The following NCAPD2 variants were observed in gnomAD, a reference collection of about 807,000 sequenced individuals.
NCAPD2 encodes the protein non-SMC condensin I complex subunit D2.
Under a neutral mutation model 164.5 loss-of-function variants are expected in NCAPD2, and 100 were observed. The observed-to-expected ratio is 0.61, with a 90% CI of 0.52 to 0.72. The LOEUF (loss-of-function observed/expected upper bound fraction) is 0.72, where lower values mean the gene tolerates loss of function less well. NCAPD2 is among the 30% of genes least tolerant of loss of function. The pLI is 0.00. For missense variants in NCAPD2, 1,560 were observed against 1,749.2 expected (o/e 0.89, Z 1.93); for synonymous variants, 585 against 642.6 (o/e 0.91, Z 1.36).
At position 6,531,357 on chromosome 12, in the gene NCAPD2, C is replaced by T. The variant is rs747329947; in HGVS notation, c.4151C>T (p.Thr1384Ile). The change falls in exon 32 of 32, where the codon ACA (threonine) becomes ATA (isoleucine). Residue 1384 changes from threonine (T) to isoleucine (I), a missense_variant. By Grantham distance (89) the Thr-to-Ile change is moderately conservative. Coordinates refer to ENST00000315579, the MANE Select transcript of NCAPD2 (RefSeq NM_014865.4). This position sits in a 1 kb window ranked among gnomAD's most constrained non-coding sequence, Gnocchi z 4.1. Reference sequence around the variant, plus strand: ...TCAGCAGAGATGACAGAAGACGAGACACCCAAGAAAACAACTCCCATTCTC... The same window carrying T: ...TCAGCAGAGATGACAGAAGACGAGATACCCAAGAAAACAACTCCCATTCTC... Reference protein sequence around the residue: ...DLSAEMTEDETPKKTTPILRA... With the variant: ...DLSAEMTEDEIPKKTTPILRA... The T allele has an allele frequency of 4.0e-5, 65 of 1,613,736 alleles. No homozygotes were observed. Among genetic ancestry groups the T allele is most frequent in the Non-Finnish European group, 5.3e-5 (63 of 1,180,014 alleles).
At chr12:6,497,100 G>A (rs556598214) in intron 2 of NCAPD2, among the ~76,000 whole-genome samples, 17 of 152,266 alleles carry the variant, frequency 1.1e-4, no homozygotes, top group African/African-American at 4.1e-4. Flanking sequence ...CCCTAAACTT[G>A]AGCATATCAA....
chr12:6,528,646 C>G lies in NCAPD2; in HGVS notation c.3300-33C>G. 1 of 1,597,264 alleles carries G rather than the reference C, an allele frequency of 6.3e-7. No individual in the cohort carries two copies. On this transcript the variant is annotated intron_variant, in intron 25 of 31. Transcript: ENST00000315579. This position sits in a 1 kb window ranked among gnomAD's most constrained non-coding sequence, Gnocchi z 5.1. Reference sequence around the variant, plus strand: ...CAGTGTTAGGGTGTAGCCCGGAGGTCTCGGTCCCCATGACCCGCAATTCCA... The same window carrying G: ...CAGTGTTAGGGTGTAGCCCGGAGGTGTCGGTCCCCATGACCCGCAATTCCA...
Position 6,521,947 on chromosome 12 carries a change from C to T in NCAPD2, c.1864C>T (p.Gln622Ter). The T allele has an allele frequency of 6.2e-7, 1 of 1,614,154 alleles. No individual in the cohort carries two copies. Among genetic ancestry groups the T allele is most frequent in the Non-Finnish European group, 8.5e-7 (1 of 1,180,040 alleles). Residue 622 changes from glutamine to a stop codon, truncating the protein, a stop_gained, in exon 15 of 32, where the codon CAG becomes TAG. Coordinates refer to ENST00000315579, the MANE Select transcript of NCAPD2 (RefSeq NM_014865.4). LOFTEE classifies it high-confidence loss of function. ...ACTAGTGAAGCAGGAGATGCTGGTA[C>T]AGTATCTGCAGGATGCCTACAGCTT... is the stretch of plus-strand genomic sequence containing the variant. ...DELVKQEMLV[Q>*]YLQDAYSFSR...
In NCAPD2 at chr12:6,525,507, A is replaced by G. The variant is rs373115753; in HGVS notation, c.2215-76A>G. 33 of 1,526,600 alleles carry G rather than the reference A, an allele frequency of 2.2e-5. 1 individual carries two copies. In the East Asian group the frequency reaches 6.4e-4, roughly 29 times the overall value. 94.6% of individuals were successfully genotyped at this position (1,526,600 alleles called of 1,614,324 possible). The stretch of plus-strand genomic sequence containing the variant: ...CTTTTGTCTACTTCAGGTTCGCAAT[A>G]TCATCTTCAGAAAAGCAGACCAAAG... On this transcript the variant is annotated intron_variant, in intron 17 of 31. Coordinates refer to ENST00000315579, the MANE Select transcript of NCAPD2 (RefSeq NM_014865.4).
chr12:6,524,382 T>G (rs1346979362), intron 17 of NCAPD2, among the ~76,000 whole-genome samples: 3 of 152,166 alleles, frequency 2.0e-5, no homozygotes, highest in African/African-American at 7.2e-5. Context: ...GGCTCACGTC[T>G]GTAATCCCAG....
At chr12:6,524,228 G>T (rs1030137561) in intron 17 of NCAPD2, among the ~76,000 whole-genome samples, 2 of 152,172 alleles carry the variant, frequency 1.3e-5, no homozygotes, top group African/African-American at 2.4e-5. Context: ...CTTAAGCTGG[G>T]TCTTGAAAGA....
intron 2 of NCAPD2, among the ~76,000 whole-genome samples, chr12:6,505,918 G>T (rs1946095168): frequency 6.6e-6 from 1 of 151,976 alleles, no homozygotes; most frequent in Non-Finnish European, 1.5e-5. Context: ...TTTCTCTTGG[G>T]CTGTGAATGA....
rs1946186066 is a variant in NCAPD2, at chr12:6,515,066, G to A, written c.987+146G>A. On this transcript the variant is annotated intron_variant, in intron 9 of 31. Transcript: ENST00000315579. ...ACATTTCCTTTCTGTAGAGAAGCAG[G>A]TCAAGTTTGTTGAATAAGGAGCTCT... The A allele has an allele frequency of 9.6e-5, 83 of 865,808 alleles. No homozygotes were observed. In the South Asian group the frequency reaches 1.4e-3, roughly 15 times the overall value. The allele number at this position is 865,808 out of a possible 1,614,324, so 53.6% of individuals were successfully genotyped here.
At chr12:6,529,272 GCACT>G in intron 27 of NCAPD2, 1 of 613,422 alleles carries the variant, frequency 1.6e-6, no homozygotes. Context: ...ACATACAGTA[GCACT>G]CACTCCCTAG....
rs1437564196 is a variant in NCAPD2, at chr12:6,528,223, A to G, written c.3194A>G (p.Lys1065Arg). 1 of 1,613,986 alleles carries G rather than the reference A, an allele frequency of 6.2e-7. No homozygotes were observed. The highest frequency in any genetic ancestry group is 1.3e-5 in the African/African-American group (1 of 74,912). Residue 1065 changes from lysine (K) to arginine (R), a missense_variant, in exon 25 of 32, where the codon AAG (lysine) becomes AGG (arginine). Transcript: ENST00000315579. This position sits in a 1 kb window ranked among gnomAD's most constrained non-coding sequence, Gnocchi z 5.1. ...QLRLLFTMLE[K>R]SPLPIVRSNL... ...CGTCTTCTGTTCACCATGCTGGAAA[A>G]GTCTCCACTTCCCATTGTCCGGTCT...
chr12:6,518,144 C>CTT, intron 13 of NCAPD2, 185 bp downstream of exon 13: 1 of 525,664 alleles, frequency 1.9e-6, no homozygotes, highest in Non-Finnish European at 3.3e-6. Context: ...TGTGTTTCTA[C>CTT]TTTATAAATG....
chr12:6,522,112 A>G, intron 15 of NCAPD2, 75 bp downstream of exon 15: 1 of 1,497,548 alleles, frequency 6.7e-7, no homozygotes, highest in African/African-American at 1.4e-5. Flanking sequence ...ATTTTTATTA[A>G]CAATAGAGAT....
intron 9 of NCAPD2, 85 bp from the exon 10 acceptor site, chr12:6,516,743 G>C: frequency 7.9e-7 from 1 of 1,270,406 alleles, no homozygotes. Flanking sequence ...GAATACCTAG[G>C]CAGTTAATGG....
chr12:6,501,076 C>T (rs1946030496), intron 2 of NCAPD2, among the ~76,000 whole-genome samples: 2 of 133,124 alleles, frequency 1.5e-5, no homozygotes, highest in Admixed American at 8.0e-5. Context: ...TTTTTTTTGA[C>T]AGTCTTGCTC....
intron 2 of NCAPD2, among the ~76,000 whole-genome samples, chr12:6,495,583 T>A (rs184675133): frequency 4.6e-5 from 7 of 152,346 alleles, no homozygotes; most frequent in African/African-American, 1.7e-4. Context: ...CTCGACCTGT[T>A]TTTGGTAATA....
chr12:6,511,386 G>C (rs573218823), intron 6 of NCAPD2, 134 bp downstream of exon 6: 20 of 1,090,648 alleles, frequency 1.8e-5, no homozygotes, highest in Non-Finnish European at 2.6e-5. Context: ...AGGCTGGAGC[G>C]CAGTGGTTCA....
intron 7 of NCAPD2, 34 bp downstream of exon 7, chr12:6,514,426 G>A (rs1946180493): frequency 1.9e-6 from 3 of 1,614,060 alleles, no homozygotes; most frequent in Non-Finnish European, 8.5e-7. Context: ...CGCCTTTTTT[G>A]TATTGCCCAT....
At chr12:6,523,394 G>GT in intron 17 of NCAPD2, 48 bp downstream of exon 17, 2 of 1,038,502 alleles carry the variant, frequency 1.9e-6, no homozygotes, top group Non-Finnish European at 2.7e-6. Flanking sequence ...CAAGTATTTT[G>GT]GTTGTTTTTT....
In NCAPD2 at chr12:6,526,376, GCTCTCA is replaced by G; in HGVS notation, c.2566+6_2566+11del. On this transcript the variant is annotated splice_donor_region_variant and intron_variant, in intron 20 of 31. Transcript: ENST00000315579. ...TGCGGGAGACAGTCACAAAAGGTGAGCTCTCAGGGAAGGCCTTGGGCAGAATTGGGC... is the reference window on the plus strand; with the variant it reads ...TGCGGGAGACAGTCACAAAAGGTGAGGGGAAGGCCTTGGGCAGAATTGGGC... The G allele has an allele frequency of 6.2e-7, 1 of 1,614,110 alleles. No homozygotes were observed. Among genetic ancestry groups the G allele is most frequent in the Non-Finnish European group, 8.5e-7 (1 of 1,180,016 alleles).
Sources: allele counts gnomAD v4.1 joint callset (sites outside exome capture counted in the v4.1 genomes callset), GRCh38; gene constraint gnomAD v4.1.1; non-coding constraint Gnocchi (gnomAD v3.1); transcripts MANE v1.5; gene names NCBI Gene and HGNC (gene_info 2026-07-23, HGNC 2026-07-21).